The following PRR5 variants were observed in gnomAD, a reference collection of about 807,000 sequenced individuals.
The protein encoded by PRR5 is proline rich 5, also known as proline-rich protein 5.
A neutral mutation model predicts 30.6 loss-of-function variants in PRR5; 25 were observed. The ratio of observed to expected loss-of-function variants is 0.82; its 90% CI spans 0.60 to 1.14. The LOEUF (loss-of-function observed/expected upper bound fraction) is 1.14. Ranked by LOEUF, PRR5 falls within the 50% of genes most tolerant of loss-of-function variation. The pLI, the probability that PRR5 is intolerant of heterozygous loss-of-function variation, is 0.00. For synonymous variants in PRR5, 286 were observed against 247.1 expected (o/e 1.16, Z -1.48); for missense variants, 600 against 547.1 (o/e 1.10, Z -0.96).
At chr22:44,711,653 C>T (rs2147064143) in intron 1 of PRR5, among the ~76,000 whole-genome samples, 2 of 152,316 alleles carry the variant, frequency 1.3e-5, no homozygotes, top group Middle Eastern at 3.4e-3. Flanking sequence ...GCACTGTCCC[C>T]TCTGCCTGAA....
At position 44,732,282 on chromosome 22, in the gene PRR5, TG is replaced by T; in HGVS notation, c.447del (p.Leu150CysfsTer11). 6.2e-7 allele frequency: 1 copy of T among 1,612,108 alleles called. No homozygotes were observed. Among genetic ancestry groups the T allele is most frequent in the Non-Finnish European group, 8.5e-7 (1 of 1,179,952 alleles). On this transcript the variant is annotated frameshift_variant, in exon 6 of 8. Transcript: ENST00000336985. LOFTEE classifies it high-confidence loss of function. ...GAGCCATCGGTGCGCCAGCTGGCCC[TG>T]CTGCACTTCCGGAATGCCATCACCC... ...GKEPSVRQLA[L>X]LHFRNAITLS...
At chr22:44,736,614 AGG>A (rs766258110) in intron 7 of PRR5, among the ~76,000 whole-genome samples, 156 bp from the exon 8 acceptor site, 11 of 112,222 alleles carry the variant, frequency 9.8e-5, no homozygotes, top group Non-Finnish European at 1.4e-4. Context: ...AGCTGGTGTC[AGG>A]GCTTGTGGCG....
Position 44,702,522 on chromosome 22 carries a change from T to G in PRR5, c.48T>G (p.Ser16Arg). The G allele has an allele frequency of 1.4e-6, 2 of 1,472,940 alleles. No homozygotes were observed. Among genetic ancestry groups the G allele is most frequent in the Non-Finnish European group, 9.0e-7 (1 of 1,110,832 alleles). The allele number at this position is 1,472,940 out of a possible 1,614,324, so 91.2% of individuals were successfully genotyped here. Residue 16 changes from serine to arginine, a missense_variant, in exon 1 of 8, where the codon AGT (serine) becomes AGG (arginine). By Grantham distance (110) the Ser-to-Arg change is moderately radical. Coordinates refer to ENST00000336985, the MANE Select transcript of PRR5 (RefSeq NM_181333.4). ...AGTTCATGAGTTCGCCCAGCCTCAG[T>G]GACCTGGGCAAGAGAGAGCCGGCCG... ...RLKFMSSPSLSDLGKREPAAA... is the reference protein window; with the variant it reads ...RLKFMSSPSLRDLGKREPAAA...
rs1218934489 is a variant in PRR5, at chr22:44,737,277, G to A, written c.*30G>A. 6.4e-6 allele frequency: 10 copies of A among 1,572,456 alleles called. No homozygotes were observed. The highest frequency in any genetic ancestry group is 8.7e-6 in the Non-Finnish European group (10 of 1,155,474). ...TCACAGCTGGCCTTGAGTTTTTACT[G>A]ACACGTCCCTGTGTGCGGGGGTGTC... On this transcript the variant is annotated 3_prime_UTR_variant, in exon 8 of 8. Coordinates refer to ENST00000336985, the MANE Select transcript of PRR5 (RefSeq NM_181333.4).
At chr22:44,707,510 C>T (rs1927416549) in intron 1 of PRR5, among the ~76,000 whole-genome samples, 1 of 152,220 alleles carries the variant, frequency 6.6e-6, no homozygotes, top group Non-Finnish European at 1.5e-5. Context: ...AGGCCTGGCC[C>T]CAGCCTCTGC....
At chr22:44,736,697 C>A (rs1923322198) in intron 7 of PRR5, 75 bp from the exon 8 acceptor site, 1 of 1,502,322 alleles carries the variant, frequency 6.7e-7, no homozygotes, top group South Asian at 1.3e-5. Context: ...ACCCAGTGTG[C>A]AGTGAGCAGC....
At chr22:44,715,509 A>G (rs1001512936) in intron 2 of PRR5, among the ~76,000 whole-genome samples, 5 of 152,158 alleles carry the variant, frequency 3.3e-5, no homozygotes, top group East Asian at 1.9e-4. Context: ...CTGAGGCCCA[A>G]TACATGCCGC....
chr22:44,725,416 G>T, intron 3 of PRR5, 124 bp downstream of exon 3: 2 of 1,347,576 alleles, frequency 1.5e-6, no homozygotes, highest in Non-Finnish European at 2.0e-6. Context: ...CAGTTCCAAG[G>T]ACCTGCCTCG....
chr22:44,731,559 A>C, intron 4 of PRR5, 171 bp from the exon 5 acceptor site: 1 of 647,922 alleles, frequency 1.5e-6, no homozygotes, highest in Non-Finnish European at 2.8e-6. Context: ...CAGTGGGCCC[A>C]GGGCCATAGA....
Position 44,735,158 on chromosome 22 carries a change from C to G in PRR5, c.687C>G (p.Ile229Met). 3.1e-6 allele frequency: 5 copies of G among 1,612,568 alleles called. No homozygotes were observed. Among genetic ancestry groups the G allele is most frequent in the Non-Finnish European group, 4.2e-6 (5 of 1,179,720 alleles). ...SSEGPFTHSCILEKRLLRRSR... is the reference protein window; with the variant it reads ...SSEGPFTHSCMLEKRLLRRSR... ...AGGGGCCCTTCACCCATTCCTGCAT[C>G]CTGGGTAGGGGTCCGCCTGGGCCTT... The change falls in exon 7 of 8, where the codon ATC (isoleucine) becomes ATG (methionine). Residue 229 changes from isoleucine to methionine, a missense_variant. Transcript: ENST00000336985.
At chr22:44,731,170 G>A (rs562474995) in intron 4 of PRR5, 59 of 271,230 alleles carry the variant, frequency 2.2e-4, no homozygotes, top group Admixed American at 1.9e-4. Flanking sequence ...GGTCTCACTT[G>A]TGCCAGGCAT....
At chr22:44,692,271 C>T (rs530020560) in intron 1 of PRR5, among the ~76,000 whole-genome samples, 274 of 141,578 alleles carry the variant, frequency 1.9e-3, no homozygotes, top group Admixed American at 4.5e-3. Context: ...CGGGGCTCCT[C>T]CTCCCACGCT....
Position 44,702,510 on chromosome 22 carries a change from GC to G in PRR5, c.39del (p.Ser14AlafsTer37). The G allele has an allele frequency of 6.8e-7, 1 of 1,470,032 alleles. No homozygotes were observed. Among genetic ancestry groups the G allele is most frequent in the Non-Finnish European group, 9.0e-7 (1 of 1,108,872 alleles). The allele number at this position is 1,470,032 out of a possible 1,614,324, so 91.1% of individuals were successfully genotyped here. ...TCCGCAGGTTGAAGTTCATGAGTTC[GC>G]CCAGCCTCAGTGACCTGGGCAAGAG... ...TLRRLKFMSS[P>X]SLSDLGKREP... is the part of the protein sequence containing the mutation. On this transcript the variant is annotated frameshift_variant, in exon 1 of 8. Transcript: ENST00000336985. LOFTEE classifies it high-confidence loss of function.
chr22:44,685,007 C>T (rs563783667), intron 1 of PRR5, among the ~76,000 whole-genome samples: 74 of 152,296 alleles, frequency 4.9e-4, no homozygotes, highest in Middle Eastern at 3.4e-3. Flanking sequence ...GGTTACTGAC[C>T]GTGGGAAGCG....
chr22:44,680,376 C>G (rs1214726911), intron 1 of PRR5, among the ~76,000 whole-genome samples: 1 of 152,064 alleles, frequency 6.6e-6, no homozygotes, highest in Non-Finnish European at 1.5e-5. Context: ...CCCTAAAGTG[C>G]ACGTTTAGTG....
intron 1 of PRR5, among the ~76,000 whole-genome samples, chr22:44,671,781 C>A (rs1923442201): frequency 6.6e-6 from 1 of 152,222 alleles, no homozygotes; most frequent in African/African-American, 2.4e-5. Context: ...TGGCAAGTTA[C>A]TTAACCTCTG....
intron 1 of PRR5, 25 bp downstream of exon 1, chr22:44,702,633 C>T (rs1601991622): frequency 7.9e-7 from 1 of 1,268,816 alleles, no homozygotes; most frequent in Non-Finnish European, 1.0e-6. Context: ...TCCCGGCCAC[C>T]CGGAGGCCCT....
intron 1 of PRR5, among the ~76,000 whole-genome samples, chr22:44,669,100 C>G (rs1285596462): frequency 6.7e-6 from 1 of 149,700 alleles, no homozygotes; most frequent in African/African-American, 2.5e-5. Flanking sequence ...CTCCCAGCCT[C>G]TCTCGCTCGC....
chr22:44,713,055 G>A (rs1427818930), intron 1 of PRR5, among the ~76,000 whole-genome samples: 2 of 152,192 alleles, frequency 1.3e-5, no homozygotes, highest in Non-Finnish European at 2.9e-5. Context: ...GAGATGTGGC[G>A]CTACCCGGAG....
Sources: allele counts gnomAD v4.1 joint callset (sites outside exome capture counted in the v4.1 genomes callset), GRCh38; gene constraint gnomAD v4.1.1; transcripts MANE v1.5; gene names NCBI Gene and HGNC (gene_info 2026-07-23, HGNC 2026-07-21).